Variants in CADPS observed in about 807,000 individuals in gnomAD.
The protein encoded by CADPS is calcium-dependent secretion activator 1.
Under a neutral mutation model 167.3 loss-of-function variants are expected in CADPS, and 57 were observed. The ratio of observed to expected loss-of-function variants is 0.34; its 90% CI spans 0.28 to 0.42. The LOEUF (loss-of-function observed/expected upper bound fraction) is 0.42, where lower values mean the gene tolerates loss of function less well. CADPS is among the 20% of genes least tolerant of loss of function. The pLI is 1.00. For synonymous variants in CADPS, 676 were observed against 635.3 expected (o/e 1.06, Z -0.96); for missense variants, 1,414 against 1,738.1 (o/e 0.81, Z 3.32).
chr3:62,740,733 C>T (rs573936589), intron 3 of CADPS, among the ~76,000 whole-genome samples: 3 of 152,276 alleles, frequency 2.0e-5, no homozygotes, highest in African/African-American at 4.8e-5. Context: ...CACTAACTAC[C>T]ATCACCAACC....
chr3:62,538,532 T>C (rs1577399373), intron 11 of CADPS, among the ~76,000 whole-genome samples: 1 of 152,126 alleles, frequency 6.6e-6, no homozygotes, highest in Admixed American at 6.6e-5. Flanking sequence ...AAAAGCCTCA[T>C]CCATCCCTCG....
chr3:62,709,249 C>T (rs1580877545), intron 3 of CADPS, among the ~76,000 whole-genome samples: 4 of 152,192 alleles, frequency 2.6e-5, no homozygotes, highest in African/African-American at 7.2e-5. Flanking sequence ...TTTCTTCATG[C>T]GTGATCAGAC....
At chr3:62,784,777 GGA>G (rs2092243003) in intron 1 of CADPS, among the ~76,000 whole-genome samples, 2 of 151,404 alleles carry the variant, frequency 1.3e-5, no homozygotes, top group Non-Finnish European at 2.9e-5. Flanking sequence ...AAAAAAATAG[GGA>G]GAGAGAAATT....
chr3:62,468,767 G>A (rs143167207), intron 24 of CADPS, among the ~76,000 whole-genome samples: 3 of 152,044 alleles, frequency 2.0e-5, no homozygotes, highest in Non-Finnish European at 2.9e-5. Flanking sequence ...TATAATGAAC[G>A]TTGCTTTTTT....
chr3:62,481,892 GA>G, intron 21 of CADPS, 23 bp from the exon 22 acceptor site: 1 of 1,596,648 alleles, frequency 6.3e-7, no homozygotes, highest in Admixed American at 1.8e-5. Flanking sequence ...CAGACAGAAA[GA>G]AAAAATACCA....
chr3:62,568,519 C>T (rs1382450482), intron 9 of CADPS, among the ~76,000 whole-genome samples: 3 of 152,224 alleles, frequency 2.0e-5, no homozygotes, highest in Non-Finnish European at 4.4e-5. Context: ...GGCCTTTATA[C>T]ACTGGGACTT....
At chr3:62,447,648 T>C (rs767843601) in intron 26 of CADPS, among the ~76,000 whole-genome samples, 3 of 152,098 alleles carry the variant, frequency 2.0e-5, no homozygotes, top group Admixed American at 6.5e-5. Context: ...AGAGGCAAGA[T>C]TGCATCAAGG....
At chr3:62,623,002 T>C (rs188964143) in intron 6 of CADPS, among the ~76,000 whole-genome samples, 154 of 152,348 alleles carry the variant, frequency 1.0e-3, no homozygotes, top group African/African-American at 3.2e-3. Flanking sequence ...TAAAGAGGAA[T>C]TGTAATTATG....
At position 62,765,801 on chromosome 3, in the gene CADPS, C is replaced by A. The variant is rs2086697245; in HGVS notation, c.555+70G>T. 1.1e-5 allele frequency: 10 copies of A among 934,826 alleles called. No individual in the cohort carries two copies. The South Asian group carries it at 1.6e-4, about 15-fold the overall frequency. The allele number at this position is 934,826 out of a possible 1,614,324, so 57.9% of individuals were successfully genotyped here. A position where few individuals can be genotyped will look rare whatever the true frequency, so the allele number is the denominator to read the frequency against. On this transcript the variant is annotated intron_variant, in intron 2 of 29. Transcript: ENST00000383710. ...TAAACCAAAACGACTGTCCCCATTG[C>A]CCTGCAGCTCAGACTCCCCAGGCAT...
At chr3:62,818,713 A>C (rs969359524) in intron 1 of CADPS, among the ~76,000 whole-genome samples, 11 of 152,224 alleles carry the variant, frequency 7.2e-5, no homozygotes, top group Admixed American at 5.9e-4. Flanking sequence ...TGTGCACAGA[A>C]AAACGTATAT....
Position 62,433,991 on chromosome 3 carries a change from G to C in CADPS, c.3777+4113C>G, listed in dbSNP as rs1468876601. Among the ~76,000 whole-genome samples the C allele has an allele frequency of 6.6e-6, 1 of 152,098 alleles. No individual in the cohort carries two copies. Among genetic ancestry groups the C allele is most frequent in the Non-Finnish European group, 1.5e-5 (1 of 68,010 alleles). ...GCTTGTGCTTTCCTCTGTAGCTGCT[G>C]CTTTAGGAATATGGAGATTATTTCA... On this transcript the variant is annotated intron_variant, in intron 28 of 29. Coordinates refer to ENST00000383710, the MANE Select transcript of CADPS (RefSeq NM_003716.4). This position sits in a 1 kb window ranked among gnomAD's most constrained non-coding sequence, Gnocchi z 4.7.
In CADPS at chr3:62,836,132, C is replaced by G. The variant is rs751640150; in HGVS notation, c.441+38457G>C. ...GGAAAAATGTTAACCCTTACTGATGCCTGGGCTTTTAGAGCCCCTGAGTGA... is the reference window on the plus strand; with the variant it reads ...GGAAAAATGTTAACCCTTACTGATGGCTGGGCTTTTAGAGCCCCTGAGTGA... On this transcript the variant is annotated intron_variant, in intron 1 of 29. Transcript: ENST00000383710. Among the ~76,000 whole-genome samples the G allele has an allele frequency of 2.6e-5, 4 of 152,284 alleles. 1 individual carries two copies. The South Asian group carries it at 8.3e-4, about 32-fold the overall frequency.
chr3:62,661,978 G>C (rs538623110), intron 4 of CADPS, among the ~76,000 whole-genome samples: 3 of 152,202 alleles, frequency 2.0e-5, no homozygotes, highest in South Asian at 2.1e-4. Flanking sequence ...GTGGGAGGAA[G>C]ACAAGGAGCT....
intron 1 of CADPS, among the ~76,000 whole-genome samples, chr3:62,791,145 G>A (rs1303821095): frequency 6.6e-6 from 1 of 152,112 alleles, no homozygotes; most frequent in African/African-American, 2.4e-5. Context: ...ATGTAACTGG[G>A]AATCTTAAAG....
At chr3:62,645,214 G>A (rs73842977) in intron 6 of CADPS, among the ~76,000 whole-genome samples, 11 of 152,008 alleles carry the variant, frequency 7.2e-5, no homozygotes, top group African/African-American at 1.4e-4. Flanking sequence ...AGTGGGAAGG[G>A]GGTAACGGAT....
chr3:62,592,563 G>T, intron 7 of CADPS, 74 bp downstream of exon 7: 4 of 1,083,410 alleles, frequency 3.7e-6, no homozygotes, highest in Middle Eastern at 2.1e-4. Flanking sequence ...GCTGCCTCTT[G>T]GTGACCTGTG....
At chr3:62,571,226 C>T (rs937569968) in intron 8 of CADPS, among the ~76,000 whole-genome samples, 1 of 152,114 alleles carries the variant, frequency 6.6e-6, no homozygotes, top group Non-Finnish European at 1.5e-5. Flanking sequence ...TGCTAAAAGT[C>T]TTTTAGGTAG....
chr3:62,559,196 T>A (rs2078714956), intron 9 of CADPS, among the ~76,000 whole-genome samples: 1 of 152,206 alleles, frequency 6.6e-6, no homozygotes, highest in South Asian at 2.1e-4. Context: ...ATAGGTGGAT[T>A]TACCTACTGG....
chr3:62,668,945 A>C (rs76808152), intron 3 of CADPS, among the ~76,000 whole-genome samples: 1,908 of 152,312 alleles, frequency 0.013, 5 homozygotes, highest in Non-Finnish European at 0.02. Context: ...GCTAACTTCT[A>C]GTTTGCTCTG....
Sources: gnomAD v4.1 joint callset for allele counts (sites outside exome capture counted in the v4.1 genomes callset) on GRCh38, gnomAD v4.1.1 for gene constraint, Gnocchi (gnomAD v3.1) non-coding constraint, MANE v1.5 for transcripts, NCBI Gene and HGNC (gene_info 2026-07-23, HGNC 2026-07-21) for gene names.